The following ACER3 variants were observed in gnomAD, a reference collection of about 807,000 sequenced individuals.
ACER3 encodes alkCDase 3.
ACER3 carries 16 observed loss-of-function variants against 48.9 expected under a neutral mutation model. That is an observed-to-expected ratio of 0.33 (90% CI 0.22 to 0.50). The LOEUF (loss-of-function observed/expected upper bound fraction) is 0.50. ACER3 is among the 20% of genes least tolerant of loss of function. The pLI is 0.98. For missense variants in ACER3, 227 were observed against 326.0 expected, an observed-to-expected ratio of 0.70 and a Z score of 2.34; for synonymous variants, 109 against 107.8, an observed-to-expected ratio of 1.01 and a Z score of -0.07.
chr11:76,904,598 C>G (rs1184732440), intron 1 of ACER3, among the ~76,000 whole-genome samples: 1 of 152,038 alleles, frequency 6.6e-6, no homozygotes, highest in African/African-American at 2.4e-5. Flanking sequence ...TGGACGTGGT[C>G]ACTCATATTT....
chr11:76,988,261 A>C (rs1948725784), intron 5 of ACER3, among the ~76,000 whole-genome samples: 1 of 152,162 alleles, frequency 6.6e-6, no homozygotes, highest in Admixed American at 6.5e-5. Flanking sequence ...GTTGAATAGG[A>C]GGTTGAGAGG....
chr11:76,941,607 C>T (rs570053597), intron 2 of ACER3, among the ~76,000 whole-genome samples: 2 of 152,052 alleles, frequency 1.3e-5, no homozygotes, highest in Admixed American at 1.3e-4. Flanking sequence ...GTTCTTTTCT[C>T]TTTCACTTAG....
Position 76,925,263 on chromosome 11 carries a change from C to A in ACER3, c.104-1294C>A, listed in dbSNP as rs908183761. Among the ~76,000 whole-genome samples the A allele has an allele frequency of 3.4e-4, 52 of 152,068 alleles. 2 individuals carry two copies. Among genetic ancestry groups the A allele is most frequent in the Admixed American group, 3.2e-3 (49 of 15,260 alleles). On this transcript the variant is annotated intron_variant, in intron 1 of 10. Transcript: ENST00000532485. ...ACTTGACAATCTCATTTTTGTGTAT[C>A]TATTTTACAGATATACCTGCACTTG...
intron 7 of ACER3, among the ~76,000 whole-genome samples, chr11:77,014,371 C>A (rs556785986): frequency 3.6e-4 from 55 of 152,330 alleles, no homozygotes; most frequent in African/African-American, 1.3e-3. Flanking sequence ...TTGTTTACCT[C>A]CCCCAACTAT....
intron 2 of ACER3, among the ~76,000 whole-genome samples, chr11:76,939,827 G>A (rs1424477796): frequency 6.6e-6 from 1 of 152,126 alleles, no homozygotes; most frequent in Non-Finnish European, 1.5e-5. Context: ...AATTGTTCCA[G>A]ATTAAAAGAG....
intron 2 of ACER3, among the ~76,000 whole-genome samples, chr11:76,944,671 A>T (rs941122279): frequency 6.6e-6 from 1 of 152,118 alleles, no homozygotes; most frequent in African/African-American, 2.4e-5. Flanking sequence ...TTCTGAATAT[A>T]ATATGCCATA....
chr11:76,945,477 C>T (rs1362663810), intron 2 of ACER3, among the ~76,000 whole-genome samples: 2 of 152,100 alleles, frequency 1.3e-5, no homozygotes, highest in East Asian at 1.9e-4. Flanking sequence ...TGGCAGTACA[C>T]GGGTTCAGTG....
Position 76,994,175 on chromosome 11 carries a change from C to T in ACER3, c.438+3601C>T, listed in dbSNP as rs7938582. 3,948 of 452,662 alleles carry T rather than the reference C, an allele frequency of 8.7e-3. 142 individuals carry two copies. The highest frequency in any genetic ancestry group is 0.073 in the African/African-American group (3,619 of 49,746). 28.0% of individuals were successfully genotyped at this position (452,662 alleles called of 1,614,324 possible). Reference sequence around the variant, plus strand: ...GATAAGGAGTCTCACTCTGTCACCCCGGCTGAAGTGCAATGGCACAATCTC... The same window carrying T: ...GATAAGGAGTCTCACTCTGTCACCCTGGCTGAAGTGCAATGGCACAATCTC... On this transcript the variant is annotated intron_variant, in intron 6 of 10. Coordinates refer to ENST00000532485, the MANE Select transcript of ACER3 (RefSeq NM_018367.7).
At chr11:76,968,145 A>G (rs1018170614) in intron 3 of ACER3, among the ~76,000 whole-genome samples, 11 of 151,922 alleles carry the variant, frequency 7.2e-5, no homozygotes, top group Non-Finnish European at 1.0e-4. Context: ...TTATACACCA[A>G]TAACAGACAA....
intron 2 of ACER3, among the ~76,000 whole-genome samples, chr11:76,930,058 T>C (rs887085583): frequency 6.6e-6 from 1 of 151,780 alleles, no homozygotes; most frequent in Non-Finnish European, 1.5e-5. Context: ...CAGCTCCTCC[T>C]TGTACCTCTG....
rs570196771 is a variant in ACER3 at position 76,998,249 on chromosome 11, C to A, written c.439-514C>A. Among the ~76,000 whole-genome samples, 319 of 152,264 alleles carry A rather than the reference C, an allele frequency of 2.1e-3. 3 individuals are homozygous for A. Among genetic ancestry groups the A allele is most frequent in the Non-Finnish European group, 3.3e-3 (226 of 68,014 alleles). On this transcript the variant is annotated intron_variant, in intron 6 of 10. Coordinates refer to ENST00000532485, the MANE Select transcript of ACER3 (RefSeq NM_018367.7). ...GTGAGAACATATAGAATAAAGAACA[C>A]AGGAAAATGGATTAACCTTAGTCAA...
chr11:76,913,646 A>G (rs535324337), intron 1 of ACER3, among the ~76,000 whole-genome samples: 7 of 152,350 alleles, frequency 4.6e-5, no homozygotes, highest in South Asian at 4.1e-4. Flanking sequence ...TATAGATTCA[A>G]TGCCATCCGC....
intron 6 of ACER3, chr11:76,994,275 G>A (rs774443660): frequency 4.0e-5 from 17 of 422,958 alleles, no homozygotes; most frequent in African/African-American, 1.0e-4. Context: ...GACTACAGGC[G>A]TGTACCATCA....
chr11:76,934,466 A>C (rs1381555777), intron 2 of ACER3, among the ~76,000 whole-genome samples: 11 of 152,242 alleles, frequency 7.2e-5, no homozygotes, highest in Non-Finnish European at 1.5e-4. Context: ...CTGGCGGATC[A>C]CTTGTGGCTA....
At chr11:77,008,637 C>G (rs772247721) in intron 7 of ACER3, among the ~76,000 whole-genome samples, 2 of 152,200 alleles carry the variant, frequency 1.3e-5, no homozygotes, top group Non-Finnish European at 2.9e-5. Flanking sequence ...CAAATTGAAA[C>G]TCTTAAAACT....
Position 76,904,655 on chromosome 11 carries a change from A to G in ACER3, c.104-21902A>G, listed in dbSNP as rs1306999142. ...AATATTAAAATAAAAATAAAAAAAT[A>G]AAATGAAATGGGTAAAATTGGGACC... On this transcript the variant is annotated intron_variant, in intron 1 of 10. Transcript: ENST00000532485. 3.3e-5 allele frequency among the ~76,000 whole-genome samples: 5 copies of G among 152,194 alleles called. No individual in the cohort carries two copies. The South Asian group carries it at 1.0e-3, about 32-fold the overall frequency.
intron 1 of ACER3, among the ~76,000 whole-genome samples, chr11:76,887,804 T>C (rs1945707875): frequency 6.8e-6 from 1 of 147,994 alleles, no homozygotes; most frequent in Non-Finnish European, 1.5e-5. Context: ...TTAATTACTA[T>C]AGGTAACTTT....
At position 77,021,407 on chromosome 11, in the gene ACER3, A is replaced by T. The variant is rs1555024448; in HGVS notation, c.*1080A>T. The T allele has an allele frequency of 6.6e-6, 1 of 152,210 alleles. No individual in the cohort carries two copies. Among genetic ancestry groups the T allele is most frequent in the African/African-American group, 2.4e-5 (1 of 41,448 alleles). The allele number at this position is 152,210 out of a possible 1,614,324, so 9.4% of individuals were successfully genotyped here. On this transcript the variant is annotated 3_prime_UTR_variant, in exon 11 of 11. Transcript: ENST00000532485. ...CTTGAAACCTACAGAACCGACAAAA[A>T]TTAGGGTGCTAAAAAAATGACAGTG...
At chr11:76,933,293 A>AT (rs986488565) in intron 2 of ACER3, among the ~76,000 whole-genome samples, 3 of 95,036 alleles carry the variant, frequency 3.2e-5, no homozygotes, top group Non-Finnish European at 4.5e-5. Context: ...TTATTTTTTT[A>AT]TTTTTTTTAT....
Sources: gnomAD v4.1 joint callset for allele counts (sites outside exome capture counted in the v4.1 genomes callset) on GRCh38, gnomAD v4.1.1 for gene constraint, MANE v1.5 for transcripts, NCBI Gene and HGNC (gene_info 2026-07-23, HGNC 2026-07-21) for gene names.